The following TTC23L variants were observed in gnomAD, a reference collection of about 807,000 sequenced individuals.
The protein encoded by TTC23L is tetratricopeptide repeat domain 23 like, also known as tetratricopeptide repeat protein 23-like.
A neutral mutation model predicts 48.1 loss-of-function variants in TTC23L; 42 were observed. That is an observed-to-expected ratio of 0.87 (90% CI 0.68 to 1.13). TTC23L has a LOEUF of 1.13. Among genes scored for constraint, TTC23L ranks in the 50% most tolerant of loss-of-function variants. TTC23L has a pLI of 0.00. For missense variants in TTC23L, 391 were observed against 421.0 expected (o/e 0.93, Z 0.62); for synonymous variants, 159 against 157.2 (o/e 1.01, Z -0.09).
the TTC23L span, chr5:34,915,514 C>A: frequency 2.1e-6 from 1 of 483,580 alleles, no homozygotes; most frequent in Non-Finnish European, 3.6e-6. Flanking sequence ...TGAAGCCAGT[C>A]CCGCCACTCT....
chr5:34,845,430 C>CCTTG, intron 2 of TTC23L, 57 bp from the exon 3 acceptor site: 1 of 1,545,610 alleles, frequency 6.5e-7, no homozygotes, highest in South Asian at 1.2e-5. Flanking sequence ...TTCAATTTTA[C>CCTTG]CTTGTTTGAG....
intron 8 of TTC23L, among the ~76,000 whole-genome samples, chr5:34,872,810 C>T (rs908839786): frequency 5.9e-5 from 9 of 152,244 alleles, no homozygotes; most frequent in Non-Finnish European, 5.9e-5. Flanking sequence ...CGCCTGTAAT[C>T]CCAGCACTTT....
intron 4 of TTC23L, among the ~76,000 whole-genome samples, chr5:34,856,433 G>A (rs1760138167): frequency 1.3e-5 from 2 of 152,156 alleles, no homozygotes; most frequent in Admixed American, 6.5e-5. Context: ...CAAGCATTTT[G>A]GATAAGGGAT....
chr5:34,867,598 G>T (rs1399597168), intron 7 of TTC23L: 1 of 162,816 alleles, frequency 6.1e-6, no homozygotes, highest in Non-Finnish European at 1.3e-5. Context: ...GGAAGGAATG[G>T]TGAGTCTATT....
chr5:34,882,256 AC>A (rs1422097504), intron 9 of TTC23L, among the ~76,000 whole-genome samples: 4 of 152,160 alleles, frequency 2.6e-5, no homozygotes, highest in African/African-American at 9.7e-5. Context: ...CTAACCAAGT[AC>A]TTTCTAGTAT....
At position 34,840,248 on chromosome 5, in the gene TTC23L, G is replaced by GC. The variant is rs1554016530; in HGVS notation, c.-7-417_-7-416insC. Among the ~76,000 whole-genome samples the GC allele has an allele frequency of 2.6e-3, 374 of 143,536 alleles. 23 individuals are homozygous for GC. Among genetic ancestry groups the GC allele is most frequent in the Non-Finnish European group, 4.8e-3 (316 of 66,008 alleles). 94.2% of individuals were successfully genotyped at this position (143,536 alleles called of 152,430 possible). A position where few individuals can be genotyped will look rare whatever the true frequency, so the allele number is the denominator to read the frequency against. ...TAGTGAAATGACCCCGGGGGGGGGGGGGAAAGCAGAATTAACCAATACACT... is the reference window on the plus strand; with the variant it reads ...TAGTGAAATGACCCCGGGGGGGGGGGCGGAAAGCAGAATTAACCAATACACT... On this transcript the variant is annotated intron_variant, in intron 1 of 10. Coordinates refer to ENST00000505624, the Ensembl canonical transcript of TTC23L.
At chr5:34,869,957 T>C (rs913002193) in intron 8 of TTC23L, 3 of 152,160 alleles carry the variant, frequency 2.0e-5, no homozygotes, top group African/African-American at 7.2e-5. Context: ...CTCGTCTATA[T>C]TCACAGTATA....
chr5:34,919,938 A>T, the TTC23L span: 68 of 660,766 alleles, frequency 1.0e-4, 1 homozygote, highest in East Asian at 2.0e-3. Flanking sequence ...ACAGTGGCTT[A>T]TTTCAAAACT....
intron 6 of TTC23L, 110 bp from the exon 7 acceptor site, chr5:34,866,782 A>T (rs1761077573): frequency 1.0e-6 from 1 of 976,562 alleles, no homozygotes; most frequent in South Asian, 1.8e-5. Flanking sequence ...AGCTACCAAG[A>T]TGATGGGCCT....
intron 3 of TTC23L, among the ~76,000 whole-genome samples, chr5:34,847,582 G>A (rs1409673701): frequency 6.6e-6 from 1 of 151,798 alleles, no homozygotes; most frequent in Non-Finnish European, 1.5e-5. Flanking sequence ...GACATCTGGA[G>A]CCCGTATTGG....
the TTC23L span, among the ~76,000 whole-genome samples, chr5:34,924,370 G>T: frequency 2.0e-5 from 3 of 152,174 alleles, no homozygotes; most frequent in Admixed American, 6.5e-5. Context: ...ATAAATATTT[G>T]TTGTTCGGAA....
intron 9 of TTC23L, among the ~76,000 whole-genome samples, chr5:34,885,278 A>G (rs927750828): frequency 3.9e-5 from 6 of 152,352 alleles, no homozygotes; most frequent in East Asian, 1.9e-4. Context: ...CATGATGATT[A>G]GATGCTAGAT....
At chr5:34,866,682 A>G (rs558332680) in intron 6 of TTC23L, among the ~76,000 whole-genome samples, 2 of 152,328 alleles carry the variant, frequency 1.3e-5, no homozygotes, top group Admixed American at 1.3e-4. Context: ...CGACATAGTA[A>G]TGGGTTTAAT....
chr5:34,904,305 T>G (rs183891820), downstream of TTC23L, among the ~76,000 whole-genome samples: 1 of 150,816 alleles, frequency 6.6e-6, no homozygotes, highest in African/African-American at 2.4e-5. Flanking sequence ...CAAAAAAGTT[T>G]ATGTAAACGG....
chr5:34,868,448 A>G (rs1761218302), intron 7 of TTC23L: 1 of 154,794 alleles, frequency 6.5e-6, no homozygotes, highest in Admixed American at 6.3e-5. Flanking sequence ...AGTGCTTACT[A>G]TATGCTGGGT....
At chr5:34,918,807 C>CT in the TTC23L span, 1 of 155,224 alleles carries the variant, frequency 6.4e-6, no homozygotes, top group African/African-American at 2.7e-5. Context: ...CCACATGTTG[C>CT]TTTTTGGGCC....
chr5:34,869,076 C>T, intron 8 of TTC23L, 63 bp downstream of exon 8: 6 of 1,310,280 alleles, frequency 4.6e-6, no homozygotes, highest in Non-Finnish European at 5.4e-6. Context: ...CATTGGCAAA[C>T]AGCCTATCTA....
At chr5:34,878,771 G>T (rs1397642642) in intron 8 of TTC23L, among the ~76,000 whole-genome samples, 2 of 152,180 alleles carry the variant, frequency 1.3e-5, no homozygotes, top group Non-Finnish European at 2.9e-5. Context: ...AACCTCTATG[G>T]AAAACAGTAC....
exon 3 of TTC23L, chr5:34,845,540 C>T: frequency 1.2e-6 from 2 of 1,613,858 alleles, no homozygotes; most frequent in Non-Finnish European, 8.5e-7. Flanking sequence ...TTGTATCCCA[C>T]TGGTGGGTGT....
Sources: gnomAD v4.1 joint callset for allele counts (sites outside exome capture counted in the v4.1 genomes callset) on GRCh38, gnomAD v4.1.1 for gene constraint, MANE v1.5 for transcripts, NCBI Gene and HGNC (gene_info 2026-07-23, HGNC 2026-07-21) for gene names.